The following PINX1 variants were observed in gnomAD, a reference collection of about 807,000 sequenced individuals.
PINX1 encodes the protein PIN2/TERF1-interacting telomerase inhibitor 1.
In PINX1, 34 loss-of-function variants were observed where a neutral mutation model predicts 25.4. That is an observed-to-expected ratio of 1.34 (90% CI 1.02 to 1.78). PINX1 has a LOEUF of 1.78. Ranked by LOEUF, PINX1 falls within the 40% of genes most tolerant of loss-of-function variation. The probability of loss-of-function intolerance (pLI) is 0.00; values close to 1 mark genes in which losing one functional copy is unlikely to be tolerated. For missense variants in PINX1, 592 were observed against 404.9 expected (o/e 1.46, Z -3.97); for synonymous variants, 197 against 147.7 (o/e 1.33, Z -2.42).
At chr8:10,811,886 A>G (rs1269660273) in intron 6 of PINX1, among the ~76,000 whole-genome samples, 1 of 152,168 alleles carries the variant, frequency 6.6e-6, no homozygotes, top group Non-Finnish European at 1.5e-5. Context: ...CCACCTGGGT[A>G]GAGGGGAGGG....
chr8:10,796,910 C>CG (rs1802101246), intron 6 of PINX1, among the ~76,000 whole-genome samples: 1 of 151,982 alleles, frequency 6.6e-6, no homozygotes, highest in Non-Finnish European at 1.5e-5. Context: ...ACTATCAGCA[C>CG]TCCCCTCCTC....
intron 4 of PINX1, among the ~76,000 whole-genome samples, chr8:10,827,543 G>C (rs74410909): frequency 2.6e-4 from 40 of 151,908 alleles, no homozygotes; most frequent in African/African-American, 8.7e-4. Context: ...CCACAGAAAC[G>C]ATCATAGGCA....
At chr8:10,792,999 T>A (rs934325) in intron 6 of PINX1, among the ~76,000 whole-genome samples, 1 of 152,058 alleles carries the variant, frequency 6.6e-6, no homozygotes, top group Admixed American at 6.5e-5. Flanking sequence ...GCCACTTCCA[T>A]GGATTTGCTA....
At chr8:10,780,506 T>G (rs973461147) in intron 6 of PINX1, among the ~76,000 whole-genome samples, 1 of 152,138 alleles carries the variant, frequency 6.6e-6, no homozygotes, top group East Asian at 1.9e-4. Context: ...ATGCATTACA[T>G]TGACTGACTT....
At chr8:10,832,633 C>G (rs1462296362) in intron 3 of PINX1, among the ~76,000 whole-genome samples, 3 of 152,156 alleles carry the variant, frequency 2.0e-5, no homozygotes, top group Admixed American at 2.0e-4. Flanking sequence ...ATTATGTTGG[C>G]TGCAAAAACT....
chr8:10,835,098 T>C (rs73531562), intron 1 of PINX1, among the ~76,000 whole-genome samples: 7,365 of 152,324 alleles, frequency 0.048, 212 homozygotes, highest in Middle Eastern at 0.078. Context: ...TGAAAGCACC[T>C]GTGGACACCA....
intron 4 of PINX1, among the ~76,000 whole-genome samples, chr8:10,826,719 G>A (rs1185466551): frequency 6.6e-6 from 1 of 152,142 alleles, no homozygotes; most frequent in African/African-American, 2.4e-5. Flanking sequence ...CAAACTCCAG[G>A]GCATTGTGCT....
At chr8:10,832,630 T>C (rs1798255729) in intron 3 of PINX1, among the ~76,000 whole-genome samples, 1 of 152,232 alleles carries the variant, frequency 6.6e-6, no homozygotes. Context: ...CAGATTATGT[T>C]GGCTGCAAAA....
At chr8:10,793,932 C>A (rs1802003391) in intron 6 of PINX1, among the ~76,000 whole-genome samples, 1 of 152,074 alleles carries the variant, frequency 6.6e-6, no homozygotes, top group Non-Finnish European at 1.5e-5. Context: ...GTAACAGATT[C>A]AAAGAGGCGA....
intron 6 of PINX1, among the ~76,000 whole-genome samples, chr8:10,786,090 T>G (rs909273472): frequency 6.6e-6 from 1 of 152,232 alleles, no homozygotes; most frequent in Non-Finnish European, 1.5e-5. Flanking sequence ...ACTAGTGCCT[T>G]TGGTTTATAA....
At chr8:10,798,170 C>T (rs186844971) in intron 6 of PINX1, among the ~76,000 whole-genome samples, 9 of 152,342 alleles carry the variant, frequency 5.9e-5, no homozygotes, top group African/African-American at 1.9e-4. Flanking sequence ...GCTCAGCCAA[C>T]ATTTTTGAAA....
At chr8:10,772,919 T>A (rs569319947) in intron 6 of PINX1, among the ~76,000 whole-genome samples, 175 of 134,474 alleles carry the variant, frequency 1.3e-3, no homozygotes, top group Non-Finnish European at 1.5e-3. Context: ...TGGGCCTAGT[T>A]TTTAATGATT....
chr8:10,822,884 A>G (rs1460562312), intron 5 of PINX1, among the ~76,000 whole-genome samples: 1 of 152,268 alleles, frequency 6.6e-6, no homozygotes, highest in Non-Finnish European at 1.5e-5. Context: ...TTATGTAGGT[A>G]GCTTCAATAG....
At chr8:10,819,216 A>T (rs1267725150) in intron 6 of PINX1, among the ~76,000 whole-genome samples, 1 of 152,252 alleles carries the variant, frequency 6.6e-6, no homozygotes, top group East Asian at 1.9e-4. Context: ...TCATCTAATG[A>T]GACTTCTAAC....
At chr8:10,778,715 C>T (rs1381184256) in intron 6 of PINX1, among the ~76,000 whole-genome samples, 1 of 152,118 alleles carries the variant, frequency 6.6e-6, no homozygotes, top group Non-Finnish European at 1.5e-5. Flanking sequence ...TTGGTAAACA[C>T]CCACTGGCAT....
chr8:10,777,618 GAA>G (rs1329884779), intron 6 of PINX1, among the ~76,000 whole-genome samples: 4 of 152,166 alleles, frequency 2.6e-5, no homozygotes, highest in Non-Finnish European at 5.9e-5. Context: ...AAAGGAAAGA[GAA>G]GAGGTTCTTC....
intron 6 of PINX1, among the ~76,000 whole-genome samples, chr8:10,799,864 A>C (rs535575605): frequency 2.6e-5 from 4 of 152,340 alleles, no homozygotes; most frequent in African/African-American, 4.8e-5. Context: ...GCCACTTCCA[A>C]CAAAGCTGAA....
intron 6 of PINX1, among the ~76,000 whole-genome samples, chr8:10,791,683 G>A (rs974168824): frequency 2.6e-5 from 4 of 152,316 alleles, no homozygotes; most frequent in African/African-American, 4.8e-5. Flanking sequence ...TCTTTGTGGC[G>A]GCTGCTGATG....
At position 10,790,641 on chromosome 8, in the gene PINX1, C is replaced by A. The variant is rs557464371; in HGVS notation, c.472-24725G>T. 2.0e-5 allele frequency among the ~76,000 whole-genome samples: 3 copies of A among 152,308 alleles called. No homozygotes were observed. In the South Asian group the frequency reaches 6.2e-4, roughly 32 times the overall value. On this transcript the variant is annotated intron_variant, in intron 6 of 6. Transcript: ENST00000314787. ...GCCCCTTTCTCTTTGGGTCTTGCCA[C>A]CACTGAGCAGCTCAGGCTGAGGCTC...
Sources: gnomAD v4.1 joint callset for allele counts (sites outside exome capture counted in the v4.1 genomes callset) on GRCh38, gnomAD v4.1.1 for gene constraint, MANE v1.5 for transcripts, NCBI Gene and HGNC (gene_info 2026-07-23, HGNC 2026-07-21) for gene names.